The following FHIT variants were observed in gnomAD, a reference collection of about 807,000 sequenced individuals.
The protein encoded by FHIT is bis(5'-adenosyl)-triphosphatase.
Under a neutral mutation model 17.9 loss-of-function variants are expected in FHIT, and 19 were observed. The ratio of observed to expected loss-of-function variants is 1.06; its 90% CI spans 0.74 to 1.56. FHIT has a LOEUF of 1.56. FHIT is among the 40% of genes most tolerant of loss of function. The probability of loss-of-function intolerance (pLI) is 0.00; values close to 1 mark genes in which losing one functional copy is unlikely to be tolerated. For synonymous variants in FHIT, 81 were observed against 69.7 expected (o/e 1.16, Z -0.81); for missense variants, 248 against 189.2 (o/e 1.31, Z -1.82).
In FHIT at chr3:60,344,474, G is replaced by A. The variant is rs187183187; in HGVS notation, c.103+192386C>T. Among the ~76,000 whole-genome samples, 441 of 152,240 alleles carry A rather than the reference G, an allele frequency of 2.9e-3. 4 individuals carry two copies. Among genetic ancestry groups the A allele is most frequent in the African/African-American group, 1.0e-2 (415 of 41,542 alleles). Reference sequence around the variant, plus strand: ...GGAAACAGATTGAGAAAAGTCACTCGTGTCAGTACTACAGAGAACACATTC... The same window carrying A: ...GGAAACAGATTGAGAAAAGTCACTCATGTCAGTACTACAGAGAACACATTC... On this transcript the variant is annotated intron_variant, in intron 5 of 9. Transcript: ENST00000492590.
chr3:60,374,947 C>T (rs572193861), intron 5 of FHIT, among the ~76,000 whole-genome samples: 55 of 151,898 alleles, frequency 3.6e-4, no homozygotes, highest in African/African-American at 1.1e-3. Flanking sequence ...CAAGTTAATG[C>T]ACATGATAAA....
intron 5 of FHIT, among the ~76,000 whole-genome samples, chr3:60,512,051 C>T (rs576749487): frequency 5.9e-5 from 9 of 152,000 alleles, no homozygotes; most frequent in East Asian, 3.9e-4. Flanking sequence ...GTTGAAAGAA[C>T]GACAAAAATA....
At chr3:60,690,529 C>A (rs553133564) in intron 4 of FHIT, 11 of 559,270 alleles carry the variant, frequency 2.0e-5, no homozygotes, top group African/African-American at 1.5e-4. Flanking sequence ...GAAGTCACCA[C>A]CCTGACATAC....
intron 3 of FHIT, among the ~76,000 whole-genome samples, chr3:60,892,633 T>C (rs1705580156): frequency 6.6e-6 from 1 of 152,200 alleles, no homozygotes; most frequent in Non-Finnish European, 1.5e-5. Context: ...TAAATAAATA[T>C]TTGTTGGTCT....
At chr3:60,657,731 T>C (rs1553690018) in intron 4 of FHIT, among the ~76,000 whole-genome samples, 1 of 152,168 alleles carries the variant, frequency 6.6e-6, no homozygotes, top group East Asian at 1.9e-4. Flanking sequence ...TAGACTGGTT[T>C]ATCCAGAACC....
chr3:61,140,047 A>C (rs1214796368), intron 2 of FHIT, among the ~76,000 whole-genome samples: 1 of 151,802 alleles, frequency 6.6e-6, no homozygotes, highest in Non-Finnish European at 1.5e-5. Flanking sequence ...AATAAGAAAC[A>C]ATGAGAGGCA....
intron 5 of FHIT, among the ~76,000 whole-genome samples, chr3:60,470,092 G>C (rs925229991): frequency 8.0e-5 from 8 of 100,144 alleles, no homozygotes; most frequent in African/African-American, 3.3e-4. Context: ...AGAGCTGCCT[G>C]AAGCTGTGGG....
chr3:59,800,302 C>G (rs1699942021), intron 8 of FHIT, among the ~76,000 whole-genome samples: 1 of 152,112 alleles, frequency 6.6e-6, no homozygotes, highest in African/African-American at 2.4e-5. Flanking sequence ...GAGGAATATG[C>G]AGCGTTCTTG....
intron 5 of FHIT, among the ~76,000 whole-genome samples, chr3:60,102,615 A>G (rs1191758556): frequency 6.6e-6 from 1 of 151,418 alleles, no homozygotes; most frequent in Admixed American, 6.6e-5. Flanking sequence ...TTAGTGTTAA[A>G]TAAGAATAAA....
intron 8 of FHIT, among the ~76,000 whole-genome samples, chr3:59,909,029 T>C (rs1704733891): frequency 1.3e-5 from 2 of 151,910 alleles, no homozygotes; most frequent in African/African-American, 2.4e-5. Context: ...TTTTTATTTA[T>C]TTATATTCCT....
At chr3:60,358,827 T>C (rs1049897737) in intron 5 of FHIT, among the ~76,000 whole-genome samples, 5 of 152,186 alleles carry the variant, frequency 3.3e-5, no homozygotes, top group Admixed American at 1.3e-4. Flanking sequence ...AAATTATTCT[T>C]CTCCTTTCTG....
rs113031225 is a variant in FHIT at position 60,441,261 on chromosome 3, C to T, written c.103+95599G>A. Among the ~76,000 whole-genome samples, 969 of 152,170 alleles carry T rather than the reference C, an allele frequency of 6.4e-3. 3 individuals carry two copies. Among genetic ancestry groups the T allele is most frequent in the Non-Finnish European group, 0.011 (721 of 67,982 alleles). The stretch of plus-strand genomic sequence containing the variant: ...TTGCCCTCTTCAGATTCCTTCTTGG[C>T]TGTACTACCAGTAAGTTTGACCATG... On this transcript the variant is annotated intron_variant, in intron 5 of 9. Coordinates refer to ENST00000492590, the MANE Select transcript of FHIT (RefSeq NM_002012.4).
In FHIT at chr3:60,546,474, G is replaced by A. The variant is rs185968197; in HGVS notation, c.-17-9495C>T. Among the ~76,000 whole-genome samples the A allele has an allele frequency of 3.4e-4, 52 of 152,174 alleles. No homozygotes were observed. In the East Asian group the frequency reaches 9.3e-3, roughly 27 times the overall value. Reference sequence around the variant, plus strand: ...TTCGTCATGTCCTAACTTTTATGCTGAATTGATATTGTTATAATTTCAAAT... The same window carrying A: ...TTCGTCATGTCCTAACTTTTATGCTAAATTGATATTGTTATAATTTCAAAT... On this transcript the variant is annotated intron_variant, in intron 4 of 9. Coordinates refer to ENST00000492590, the MANE Select transcript of FHIT (RefSeq NM_002012.4).
chr3:60,651,938 G>A (rs2040000665), intron 4 of FHIT, among the ~76,000 whole-genome samples: 2 of 152,118 alleles, frequency 1.3e-5, no homozygotes, highest in Admixed American at 6.5e-5. Flanking sequence ...CTAAAGAAAT[G>A]CAAAAGTGCA....
intron 4 of FHIT, among the ~76,000 whole-genome samples, chr3:60,708,473 T>C (rs2041430502): frequency 6.6e-6 from 1 of 152,224 alleles, no homozygotes; most frequent in Non-Finnish European, 1.5e-5. Flanking sequence ...TTACCATCAT[T>C]GGTTTTCATG....
Position 60,962,078 on chromosome 3 carries a change from A to G in FHIT, c.-111+79969T>C, listed in dbSNP as rs191049395. On this transcript the variant is annotated intron_variant, in intron 3 of 9. Transcript: ENST00000492590. ...ACCCATGAGCGTGGAATGTTCTTCC[A>G]TTTGTTTGTATCCTCTTTTATTTCA... Among the ~76,000 whole-genome samples the G allele has an allele frequency of 8.1e-3, 1,232 of 152,214 alleles. 10 individuals are homozygous for G. The highest frequency in any genetic ancestry group is 0.012 in the Non-Finnish European group (838 of 68,014).
intron 5 of FHIT, among the ~76,000 whole-genome samples, chr3:60,111,162 T>C (rs1030517905): frequency 6.6e-6 from 1 of 152,200 alleles, no homozygotes; most frequent in Non-Finnish European, 1.5e-5. Flanking sequence ...TACTAAAGAA[T>C]GTCACCGCAT....
At chr3:61,051,639 C>T (rs2034031744) in intron 2 of FHIT, among the ~76,000 whole-genome samples, 1 of 152,138 alleles carries the variant, frequency 6.6e-6, no homozygotes, top group African/African-American at 2.4e-5. Context: ...TGGCAAATGA[C>T]AGGCCCTGGA....
At chr3:60,550,247 T>C (rs2036500709) in intron 4 of FHIT, among the ~76,000 whole-genome samples, 2 of 152,194 alleles carry the variant, frequency 1.3e-5, no homozygotes, top group African/African-American at 4.8e-5. Flanking sequence ...TGGAGACATA[T>C]ATTGAAGTTT....
Sources: allele counts gnomAD v4.1 joint callset (sites outside exome capture counted in the v4.1 genomes callset), GRCh38; gene constraint gnomAD v4.1.1; transcripts MANE v1.5; gene names NCBI Gene and HGNC (gene_info 2026-07-23, HGNC 2026-07-21).